The following WNT3A variants were observed in gnomAD, a reference collection of about 807,000 sequenced individuals.
WNT3A encodes Wnt family member 3A.
Under a neutral mutation model 37.0 loss-of-function variants are expected in WNT3A, and 17 were observed. The ratio of observed to expected loss-of-function variants is 0.46; its 90% CI spans 0.31 to 0.69. WNT3A has a LOEUF of 0.69. Ranked by LOEUF, WNT3A falls within the 30% of genes least tolerant of loss-of-function variation. The pLI is 0.05. For synonymous variants in WNT3A, 187 were observed against 211.0 expected, an observed-to-expected ratio of 0.89 and a Z score of 0.99; for missense variants, 411 against 510.2, an observed-to-expected ratio of 0.81 and a Z score of 1.87.
rs34263332 is a variant in WNT3A, at chr1:228,055,158, C to CAA, written c.580-3807_580-3806dup. Among the ~76,000 whole-genome samples, 46 of 15,754 alleles carry CAA rather than the reference C, an allele frequency of 2.9e-3. 3 individuals are homozygous for CAA. The highest frequency in any genetic ancestry group is 3.3e-3 in the Non-Finnish European group (33 of 10,106). The allele number at this position is 15,754 out of a possible 152,430, so 10.3% of individuals were successfully genotyped here. A position where few individuals can be genotyped will look rare whatever the true frequency, so the allele number is the denominator to read the frequency against. On this transcript the variant is annotated intron_variant, in intron 3 of 3. Transcript: ENST00000284523. ...GGAGTTTTTTTTGGAAACTCCGTCC[C>CAA]AAAAAAAAAAAAAAAAAAAAAATAT...
intron 3 of WNT3A, among the ~76,000 whole-genome samples, chr1:228,055,173 AAAAAAAATATATATATAT>A (rs1353841361): frequency 0.054 from 3,899 of 72,142 alleles, 160 homozygotes; most frequent in South Asian, 0.081. Flanking sequence ...AAAAAAAAAA[AAAAAAAATATATATATAT>A]ATATATATAT....
chr1:228,059,937 T>G lies in WNT3A; in HGVS notation c.*472T>G. On this transcript the variant is annotated 3_prime_UTR_variant, in exon 4 of 4. Coordinates refer to ENST00000284523, the MANE Select transcript of WNT3A (RefSeq NM_033131.4). ...TCTAGGATGGGGCACGGCTCTGGGG[T>G]AGGCTGCTCCCTGAGGGCGGAGCGC... The G allele has an allele frequency of 9.2e-7, 1 of 1,091,372 alleles. No individual in the cohort carries two copies. The highest frequency in any genetic ancestry group is 1.7e-5 in the African/African-American group (1 of 59,012). 67.6% of individuals were successfully genotyped at this position (1,091,372 alleles called of 1,614,324 possible). A position where few individuals can be genotyped will look rare whatever the true frequency, so the allele number is the denominator to read the frequency against.
rs1411585847 is a variant in WNT3A at position 228,031,609 on chromosome 1, T to TGTGTATGTGTCAGGTGTA, written c.313+8705_313+8722dup. On this transcript the variant is annotated intron_variant, in intron 2 of 3. Coordinates refer to ENST00000284523, the MANE Select transcript of WNT3A (RefSeq NM_033131.4). This position sits in a 1 kb window ranked among gnomAD's most constrained non-coding sequence, Gnocchi z 4.8. ...GTGTGTGCCTGTGCATGTGTGTGCA[T>TGTGTATGTGTCAGGTGTA]GTGTATGTGTCAGGTGTAGTGAATG... Among the ~76,000 whole-genome samples the TGTGTATGTGTCAGGTGTA allele has an allele frequency of 6.6e-6, 1 of 152,054 alleles. No homozygotes were observed. The highest frequency in any genetic ancestry group is 1.5e-5 in the Non-Finnish European group (1 of 67,988).
At chr1:228,028,760 T>C (rs576075452) in intron 2 of WNT3A, among the ~76,000 whole-genome samples, 3 of 152,352 alleles carry the variant, frequency 2.0e-5, no homozygotes, top group African/African-American at 7.2e-5. Flanking sequence ...TTACTGTCCA[T>C]GAGCATGGGA....
intron 1 of WNT3A, among the ~76,000 whole-genome samples, chr1:228,019,807 T>A (rs2030631955): frequency 6.6e-6 from 1 of 152,232 alleles, no homozygotes; most frequent in Non-Finnish European, 1.5e-5. Flanking sequence ...CCTGAACCAG[T>A]GCTGGATGTT....
chr1:228,016,223 AC>A (rs1324844367), intron 1 of WNT3A, among the ~76,000 whole-genome samples: 4 of 152,128 alleles, frequency 2.6e-5, no homozygotes, highest in Non-Finnish European at 5.9e-5. Flanking sequence ...CCTCATGAAG[AC>A]AGACAGGGGC....
intron 1 of WNT3A, among the ~76,000 whole-genome samples, chr1:228,020,437 G>A (rs2030670641): frequency 1.3e-5 from 2 of 152,214 alleles, no homozygotes; most frequent in East Asian, 3.9e-4. Context: ...CACAGTCCAG[G>A]TCACAGACAG....
chr1:228,009,339 G>T (rs965442927), intron 1 of WNT3A, among the ~76,000 whole-genome samples: 3 of 152,208 alleles, frequency 2.0e-5, no homozygotes, highest in African/African-American at 7.2e-5. Flanking sequence ...ACAGAAGGAC[G>T]CAGTGCTGCA....
chr1:228,052,938 T>G (rs2031589425), intron 3 of WNT3A, among the ~76,000 whole-genome samples: 1 of 152,184 alleles, frequency 6.6e-6, no homozygotes, highest in South Asian at 2.1e-4. Context: ...TGATCTCCAG[T>G]GCAACAGTCT....
intron 2 of WNT3A, among the ~76,000 whole-genome samples, chr1:228,048,613 G>A (rs2031477317): frequency 1.3e-5 from 2 of 152,156 alleles, no homozygotes; most frequent in Admixed American, 1.3e-4. Flanking sequence ...TGCCCAGGCT[G>A]GAGTGCAGTG....
intron 1 of WNT3A, among the ~76,000 whole-genome samples, chr1:228,014,118 G>A (rs1187927146): frequency 6.6e-6 from 1 of 152,178 alleles, no homozygotes. Context: ...GGGTGCACTG[G>A]GTCCCTCTCA....
chr1:228,045,151 CAGGGATCTCG>C (rs2031371318), intron 2 of WNT3A, among the ~76,000 whole-genome samples: 1 of 152,212 alleles, frequency 6.6e-6, no homozygotes, highest in Admixed American at 6.5e-5. Flanking sequence ...TTTTGATAAG[CAGGGATCTCG>C]AGGCCCTTGT....
intron 2 of WNT3A, among the ~76,000 whole-genome samples, chr1:228,048,340 G>A (rs1235569864): frequency 6.6e-6 from 1 of 152,198 alleles, no homozygotes; most frequent in Non-Finnish European, 1.5e-5. Flanking sequence ...GGAGGAACCT[G>A]CCCCAGGGCA....
At chr1:228,057,719 C>T (rs892131685) in intron 3 of WNT3A, among the ~76,000 whole-genome samples, 4 of 152,086 alleles carry the variant, frequency 2.6e-5, no homozygotes, top group Admixed American at 6.5e-5. Context: ...AGAATGGGAG[C>T]CACAAATGGC....
At position 228,039,939 on chromosome 1, in the gene WNT3A, A is replaced by C. The variant is rs184890593; in HGVS notation, c.314-10717A>C. ...AAGTTGTTTGTCCCTCAGAAAAGCC[A>C]CTCAGGAGTCCCCTCTGGACCAACA... is the stretch of plus-strand genomic sequence containing the variant. On this transcript the variant is annotated intron_variant, in intron 2 of 3. Coordinates refer to ENST00000284523, the MANE Select transcript of WNT3A (RefSeq NM_033131.4). The surrounding 1 kb of genome is among the most constrained non-coding windows in gnomAD (Gnocchi z 4.1). Among the ~76,000 whole-genome samples, 1 of 152,102 alleles carries C rather than the reference A, an allele frequency of 6.6e-6. No individual in the cohort carries two copies. Among genetic ancestry groups the C allele is most frequent in the East Asian group, 1.9e-4 (1 of 5,164 alleles).
chr1:228,042,397 A>T lies in WNT3A; in HGVS notation c.314-8259A>T, dbSNP rs1171228096. On this transcript the variant is annotated intron_variant, in intron 2 of 3. Transcript: ENST00000284523. This position sits in a 1 kb window ranked among gnomAD's most constrained non-coding sequence, Gnocchi z 5.2. ...GGACTCTCAGATCCTGGATGGATGG[A>T]TGGATGATGGATGGATGGTGGGTGG... Among the ~76,000 whole-genome samples, 2 of 152,018 alleles carry T rather than the reference A, an allele frequency of 1.3e-5. No homozygotes were observed. The highest frequency in any genetic ancestry group is 2.9e-5 in the Non-Finnish European group (2 of 67,986).
At position 228,038,108 on chromosome 1, in the gene WNT3A, G is replaced by A. The variant is rs1038408847; in HGVS notation, c.314-12548G>A. ...CCCGGCGGTGTCAGGGGCCGTGGCC[G>A]CGGTGGGGCGCGGGCCGCATTCCGC... On this transcript the variant is annotated intron_variant, in intron 2 of 3. Coordinates refer to ENST00000284523, the MANE Select transcript of WNT3A (RefSeq NM_033131.4). The surrounding 1 kb of genome is among the most constrained non-coding windows in gnomAD (Gnocchi z 5.7). Among the ~76,000 whole-genome samples, 1 of 152,006 alleles carries A rather than the reference G, an allele frequency of 6.6e-6. No homozygotes were observed. The highest frequency in any genetic ancestry group is 1.5e-5 in the Non-Finnish European group (1 of 67,954).
rs1160138403 is a variant in WNT3A, at chr1:228,042,941, G to A, written c.314-7715G>A. ...TATATGGATGATGGATGGATGGATG[G>A]TGAATGGATAGATGAATTTATAAGT... On this transcript the variant is annotated intron_variant, in intron 2 of 3. Coordinates refer to ENST00000284523, the MANE Select transcript of WNT3A (RefSeq NM_033131.4). The surrounding 1 kb of genome is among the most constrained non-coding windows in gnomAD (Gnocchi z 5.2). Among the ~76,000 whole-genome samples the A allele has an allele frequency of 3.3e-5, 5 of 151,824 alleles. No homozygotes were observed. Among genetic ancestry groups the A allele is most frequent in the Admixed American group, 1.3e-4 (2 of 15,252 alleles).
At chr1:228,056,925 A>G (rs1430694387) in intron 3 of WNT3A, among the ~76,000 whole-genome samples, 3 of 152,252 alleles carry the variant, frequency 2.0e-5, no homozygotes, top group African/African-American at 7.2e-5. Flanking sequence ...ACTTCCCAGC[A>G]AAACTATCAA....
Sources: gnomAD v4.1 joint callset for allele counts (sites outside exome capture counted in the v4.1 genomes callset) on GRCh38, gnomAD v4.1.1 for gene constraint, Gnocchi (gnomAD v3.1) non-coding constraint, MANE v1.5 for transcripts, NCBI Gene and HGNC (gene_info 2026-07-23, HGNC 2026-07-21) for gene names.